The following PYGB variants were observed in gnomAD, a reference collection of about 807,000 sequenced individuals.
The protein encoded by PYGB is glycogen phosphorylase B.
In PYGB, 82 loss-of-function variants were observed where a neutral mutation model predicts 94.3. The ratio of observed to expected loss-of-function variants is 0.87; its 90% CI spans 0.73 to 1.04. PYGB has a LOEUF of 1.04. PYGB is among the 50% of genes least tolerant of loss of function. The pLI is 0.00. For missense variants in PYGB, 1,132 were observed against 1,158.2 expected (o/e 0.98, Z 0.33); for synonymous variants, 488 against 479.1 (o/e 1.02, Z -0.24).
intron 8 of PYGB, 74 bp downstream of exon 8, chr20:25,278,536 T>C: frequency 1.3e-6 from 2 of 1,572,674 alleles, no homozygotes; most frequent in Middle Eastern, 1.7e-4. Context: ...TGCTTTCTCA[T>C]GTCCCAAAAG....
At chr20:25,264,769 A>G (rs1426169569) in intron 2 of PYGB, among the ~76,000 whole-genome samples, 2 of 152,252 alleles carry the variant, frequency 1.3e-5, no homozygotes, top group African/African-American at 4.8e-5. Context: ...GTTCAGGGAA[A>G]TAAAGGACGA....
In PYGB at chr20:25,292,427, C is replaced by T. The variant is rs1568699674; in HGVS notation, c.1991C>T (p.Ser664Leu). ...ACAGTGATCCCGGCCGCTGATCTGT[C>T]GCAGCAGATCTCCACTGCAGGCACC... is the stretch of plus-strand genomic sequence containing the variant. ...AEKVIPAADL[S>L]QQISTAGTEA... is the part of the protein sequence containing the mutation. Residue 664 changes from serine to leucine, a missense_variant, in exon 17 of 20, where the codon TCG becomes TTG. Coordinates refer to ENST00000216962, the MANE Select transcript of PYGB (RefSeq NM_002862.4). 4.3e-6 allele frequency: 7 copies of T among 1,613,308 alleles called. No individual in the cohort carries two copies. The highest frequency in any genetic ancestry group is 2.2e-5 in the East Asian group (1 of 44,878).
chr20:25,282,974 C>G lies in PYGB; in HGVS notation c.1519-202C>G, dbSNP rs140231508. The stretch of plus-strand genomic sequence containing the variant: ...GTTTGAACTGGTGGGACTGGGCCAT[C>G]TCGCAGAGCCCTCTCAGAAGAGGAA... On this transcript the variant is annotated intron_variant, in intron 12 of 19. Transcript: ENST00000216962. Among the ~76,000 whole-genome samples the G allele has an allele frequency of 1.7e-3, 255 of 152,248 alleles. 3 individuals are homozygous for G. The highest frequency in any genetic ancestry group is 5.8e-3 in the African/African-American group (239 of 41,538).
rs974106672 is a variant in PYGB, at chr20:25,284,170, A to G, written c.1687A>G (p.Met563Val). The change falls in exon 14 of 20, where the codon ATG (methionine) becomes GTG (valine). Residue 563 changes from methionine (M) to valine (V), a missense_variant. Physicochemically the swap from Met to Val is conservative, Grantham distance 21. Coordinates refer to ENST00000216962, the MANE Select transcript of PYGB (RefSeq NM_002862.4). ...CAAGGTGAAGATCAACCCCTCCTCC[A>G]TGTTCGATGTGCATGTGAAGAGGAT... ...EYKVKINPSS[M>V]FDVHVKRIHE... 6 of 1,613,890 alleles carry G rather than the reference A, an allele frequency of 3.7e-6. No homozygotes were observed. In the Admixed American group the frequency reaches 6.7e-5, roughly 18 times the overall value.
intron 10 of PYGB, 36 bp from the exon 11 acceptor site, chr20:25,280,913 T>C (rs758456035): frequency 1.2e-6 from 2 of 1,608,012 alleles, no homozygotes; most frequent in Non-Finnish European, 1.7e-6. Flanking sequence ...TGGGGCCTCC[T>C]GTGCCCACCC....
intron 17 of PYGB, 161 bp from the exon 18 acceptor site, chr20:25,293,997 C>T (rs934967223): frequency 9.8e-6 from 9 of 914,124 alleles, no homozygotes; most frequent in East Asian, 2.7e-5. Context: ...TCAAGGGCCT[C>T]GTAACCACCC....
At chr20:25,290,322 T>G (rs569457749) in intron 15 of PYGB, among the ~76,000 whole-genome samples, 159 bp from the exon 16 acceptor site, 51 of 152,350 alleles carry the variant, frequency 3.3e-4, no homozygotes, top group African/African-American at 1.2e-3. Flanking sequence ...AGCTGGGGCC[T>G]TGGGGCCGGG....
intron 3 of PYGB, among the ~76,000 whole-genome samples, chr20:25,270,760 G>T (rs1226146612): frequency 6.6e-6 from 1 of 152,220 alleles, no homozygotes; most frequent in East Asian, 1.9e-4. Flanking sequence ...TTCCCAAAGT[G>T]CTGGGATCAC....
intron 1 of PYGB, among the ~76,000 whole-genome samples, chr20:25,255,728 G>A (rs527966423): frequency 1.6e-4 from 23 of 148,178 alleles, no homozygotes; most frequent in Non-Finnish European, 2.9e-4. Context: ...GAAAGCAGCC[G>A]CCCAACTCTT....
In PYGB at chr20:25,295,780, A is replaced by C. The variant is rs985479629; in HGVS notation, c.2379+110A>C. 5 of 1,267,570 alleles carry C rather than the reference A, an allele frequency of 3.9e-6. No homozygotes were observed. In the African/African-American group the frequency reaches 7.3e-5, roughly 19 times the overall value. The allele number at this position is 1,267,570 out of a possible 1,614,324, so 78.5% of individuals were successfully genotyped here. On this transcript the variant is annotated intron_variant, in intron 19 of 19. Coordinates refer to ENST00000216962, the MANE Select transcript of PYGB (RefSeq NM_002862.4). ...TGAGTAGATTCTTGGCCTGGGCCAG[A>C]GGGGTTTGTGATTCTGATCTGTCAT...
chr20:25,280,267 C>T lies in PYGB; in HGVS notation c.1094C>T (p.Ala365Val). The T allele has an allele frequency of 6.2e-7, 1 of 1,614,030 alleles. No individual in the cohort carries two copies. Among genetic ancestry groups the T allele is most frequent in the Non-Finnish European group, 8.5e-7 (1 of 1,179,890 alleles). Residue 365 changes from alanine (A) to valine (V), a missense_variant and splice_region_variant, in exon 10 of 20, where the codon GCC becomes GTC. Ala to Val is a moderately conservative substitution (Grantham distance 64). Coordinates refer to ENST00000216962, the MANE Select transcript of PYGB (RefSeq NM_002862.4). ...VDVEKVDWDKAWEITKKTCAY... is the reference protein window; with the variant it reads ...VDVEKVDWDKVWEITKKTCAY... ...TGGGAACATTCTCTAATGGCCTAGGCCTGGGAAATCACGAAGAAGACCTGT... is the reference window on the plus strand; with the variant it reads ...TGGGAACATTCTCTAATGGCCTAGGTCTGGGAAATCACGAAGAAGACCTGT...
At chr20:25,263,058 G>A (rs967875919) in intron 2 of PYGB, among the ~76,000 whole-genome samples, 4 of 152,062 alleles carry the variant, frequency 2.6e-5, no homozygotes, top group African/African-American at 4.8e-5. Context: ...ACAGATCAAC[G>A]AGACAGAAAG....
At chr20:25,254,832 G>A (rs2092898756) in intron 1 of PYGB, among the ~76,000 whole-genome samples, 1 of 152,200 alleles carries the variant, frequency 6.6e-6, no homozygotes, top group Non-Finnish European at 1.5e-5. Context: ...GAAGGCGGGA[G>A]ACAGTGACTT....
At chr20:25,263,797 G>C (rs967035523) in intron 2 of PYGB, among the ~76,000 whole-genome samples, 1 of 152,214 alleles carries the variant, frequency 6.6e-6, no homozygotes, top group African/African-American at 2.4e-5. Flanking sequence ...TAATAGCCTA[G>C]CAACCAAAAA....
At chr20:25,292,796 G>A (rs1205063347) in intron 17 of PYGB, among the ~76,000 whole-genome samples, 183 bp downstream of exon 17, 1 of 152,174 alleles carries the variant, frequency 6.6e-6, no homozygotes, top group African/African-American at 2.4e-5. Context: ...AATGGACGGG[G>A]TCCGGGCTGC....
intron 18 of PYGB, among the ~76,000 whole-genome samples, 199 bp from the exon 19 acceptor site, chr20:25,295,405 T>C (rs78721580): frequency 3.3e-5 from 5 of 152,254 alleles, no homozygotes; most frequent in African/African-American, 1.2e-4. Context: ...TCCCAGGACA[T>C]AAGTGTTGCT....
rs1161124784 is a variant in PYGB at position 25,276,715 on chromosome 20, C to G, written c.730C>G (p.Leu244Val). Residue 244 changes from leucine (L) to valine (V), a missense_variant, in exon 6 of 20, where the codon CTG becomes GTG. By Grantham distance (32) the Leu-to-Val change is conservative. Transcript: ENST00000216962. Reference protein sequence around the residue: ...YKNNTVNTMRLWSAKAPNDFK... With the variant: ...YKNNTVNTMRVWSAKAPNDFK... ...GAACAACACCGTCAACACCATGCGG[C>G]TGTGGTCCGCCAAGGCTCCCAACGA... is the stretch of plus-strand genomic sequence containing the variant. The G allele has an allele frequency of 6.2e-7, 1 of 1,614,048 alleles. No homozygotes were observed. The highest frequency in any genetic ancestry group is 8.5e-7 in the Non-Finnish European group (1 of 1,179,928).
At chr20:25,250,014 T>C (rs1157290863) in intron 1 of PYGB, among the ~76,000 whole-genome samples, 1 of 152,182 alleles carries the variant, frequency 6.6e-6, no homozygotes, top group Non-Finnish European at 1.5e-5. Flanking sequence ...CACGCCCGGC[T>C]AATTTTTTGT....
Position 25,295,642 on chromosome 20 carries a change from G to A in PYGB, c.2351G>A (p.Cys784Tyr). The A allele has an allele frequency of 6.2e-7, 1 of 1,614,106 alleles. No individual in the cohort carries two copies. Among genetic ancestry groups the A allele is most frequent in the Non-Finnish European group, 8.5e-7 (1 of 1,180,006 alleles). The change falls in exon 19 of 20, where the codon TGC becomes TAC. Residue 784 changes from cysteine to tyrosine, a missense_variant. Physicochemically the swap from Cys to Tyr is radical, Grantham distance 194. Transcript: ENST00000216962. ...VFADYEAYMQ[C>Y]QAQVDQLYRN... ...GCAGACTATGAAGCCTACATGCAGT[G>A]CCAGGCACAGGTGGACCAGCTGTAC...
Sources: allele counts gnomAD v4.1 joint callset (sites outside exome capture counted in the v4.1 genomes callset), GRCh38; gene constraint gnomAD v4.1.1; transcripts MANE v1.5; gene names NCBI Gene and HGNC (gene_info 2026-07-23, HGNC 2026-07-21).